Variants in RFTN2 observed in about 807,000 individuals in gnomAD.
RFTN2 encodes the protein raftlin-2.
A neutral mutation model predicts 52.7 loss-of-function variants in RFTN2; 34 were observed. The observed-to-expected ratio is 0.64, with a 90% confidence interval of 0.49 to 0.86. The LOEUF (loss-of-function observed/expected upper bound fraction) is 0.86, where lower values mean the gene tolerates loss of function less well. Ranked by LOEUF, RFTN2 falls within the 40% of genes least tolerant of loss-of-function variation. The pLI is 0.00. For synonymous variants in RFTN2, 203 were observed against 217.7 expected (o/e 0.93, Z 0.59); for missense variants, 536 against 600.1 (o/e 0.89, Z 1.12).
At chr2:197,664,784 C>CA (rs776521127) in intron 1 of RFTN2, among the ~76,000 whole-genome samples, 52 of 151,628 alleles carry the variant, frequency 3.4e-4, no homozygotes, top group African/African-American at 1.1e-3. Context: ...GAACTTATCT[C>CA]AAAAAAAAAT....
rs139263858 is a variant in RFTN2, at chr2:197,664,446, G to A, written c.139+10874C>T. 6.4e-3 allele frequency among the ~76,000 whole-genome samples: 951 copies of A among 147,924 alleles called. 11 individuals carry two copies. Among genetic ancestry groups the A allele is most frequent in the African/African-American group, 0.022 (858 of 39,814 alleles). On this transcript the variant is annotated intron_variant, in intron 1 of 8. Transcript: ENST00000295049. ...ATTCATGATTGTGCCACTGTACTCC[G>A]GCCTGGAAGACAAAGGGAGACCCCA...
chr2:197,661,388 G>A (rs565873555), intron 1 of RFTN2, among the ~76,000 whole-genome samples: 1 of 151,920 alleles, frequency 6.6e-6, no homozygotes, highest in African/African-American at 2.4e-5. Flanking sequence ...ATGCTACCAT[G>A]TTTTGGTAGT....
At chr2:197,673,151 C>T (rs2106279230) in intron 1 of RFTN2, among the ~76,000 whole-genome samples, 1 of 152,226 alleles carries the variant, frequency 6.6e-6, no homozygotes, top group Non-Finnish European at 1.5e-5. Flanking sequence ...GTCACCAGGC[C>T]ATTTTATTTC....
chr2:197,650,539 C>G (rs2088812197), intron 1 of RFTN2, among the ~76,000 whole-genome samples: 1 of 152,196 alleles, frequency 6.6e-6, no homozygotes, highest in African/African-American at 2.4e-5. Flanking sequence ...CGTATCTTTA[C>G]AACACTGTAG....
chr2:197,645,162 G>A (rs142780603), intron 2 of RFTN2, among the ~76,000 whole-genome samples: 3 of 152,168 alleles, frequency 2.0e-5, no homozygotes, highest in Non-Finnish European at 2.9e-5. Flanking sequence ...CATATACAGC[G>A]GTGGTCCCGT....
At chr2:197,591,578 C>T (rs184779754) in intron 8 of RFTN2, among the ~76,000 whole-genome samples, 3 of 152,200 alleles carry the variant, frequency 2.0e-5, no homozygotes, top group Admixed American at 6.5e-5. Flanking sequence ...TTGGGCGGTC[C>T]GTGGGACCGT....
At chr2:197,638,731 CCATTTA>C (rs1422172982) in intron 3 of RFTN2, among the ~76,000 whole-genome samples, 1 of 139,072 alleles carries the variant, frequency 7.2e-6, no homozygotes, top group Non-Finnish European at 1.6e-5. Flanking sequence ...AGCATTTAGT[CCATTTA>C]CATTTAAAGT....
Position 197,596,910 on chromosome 2 carries a change from T to C in RFTN2, c.1155-841A>G, listed in dbSNP as rs538405896. ...TGGCAAATTACCCCTTGCCAAAGAC[T>C]GCTTGGGGTTTGTATTCCTCTGAAA... On this transcript the variant is annotated intron_variant, in intron 7 of 8. Coordinates refer to ENST00000295049, the MANE Select transcript of RFTN2 (RefSeq NM_144629.3). Among the ~76,000 whole-genome samples the C allele has an allele frequency of 9.1e-4, 138 of 152,344 alleles. 1 individual carries two copies. Among genetic ancestry groups the C allele is most frequent in the African/African-American group, 3.2e-3 (131 of 41,584 alleles).
chr2:197,645,210 C>T, intron 2 of RFTN2, among the ~76,000 whole-genome samples: 1 of 152,152 alleles, frequency 6.6e-6, no homozygotes, highest in East Asian at 1.9e-4. Flanking sequence ...GTACCTTTTC[C>T]ATCTTTAGGT....
chr2:197,635,500 T>G (rs1438994144), intron 3 of RFTN2, among the ~76,000 whole-genome samples: 3 of 152,028 alleles, frequency 2.0e-5, no homozygotes, highest in Admixed American at 2.0e-4. Context: ...ATGATGAGCA[T>G]TTTTTCATGT....
intron 1 of RFTN2, among the ~76,000 whole-genome samples, chr2:197,655,122 C>T (rs747396048): frequency 7.2e-5 from 11 of 152,064 alleles, no homozygotes; most frequent in Admixed American, 2.0e-4. Flanking sequence ...TGAAGTCATC[C>T]CCCTTTCATT....
At chr2:197,604,724 G>C (rs2087931512) in intron 7 of RFTN2, among the ~76,000 whole-genome samples, 1 of 152,024 alleles carries the variant, frequency 6.6e-6, no homozygotes, top group Non-Finnish European at 1.5e-5. Context: ...ATGCACATTT[G>C]TGTTTTATGC....
At chr2:197,645,191 AT>A (rs943483705) in intron 2 of RFTN2, among the ~76,000 whole-genome samples, 3 of 152,162 alleles carry the variant, frequency 2.0e-5, no homozygotes, top group Non-Finnish European at 4.4e-5. Context: ...AGAGTAACGT[AT>A]TTTTACTGTA....
chr2:197,586,715 C>A (rs2087605081), intron 8 of RFTN2, among the ~76,000 whole-genome samples: 1 of 152,142 alleles, frequency 6.6e-6, no homozygotes, highest in African/African-American at 2.4e-5. Context: ...CCTTTCGTAG[C>A]CTCTCTAATG....
At chr2:197,617,762 T>C (rs773869447) in intron 6 of RFTN2, 38 bp downstream of exon 6, 1 of 927,204 alleles carries the variant, frequency 1.1e-6, no homozygotes, top group Non-Finnish European at 1.5e-6. Context: ...ATTATATTTA[T>C]ATATGTAAAG....
intron 1 of RFTN2, among the ~76,000 whole-genome samples, chr2:197,649,301 C>A (rs141974111): frequency 4.6e-4 from 70 of 152,204 alleles, no homozygotes; most frequent in Non-Finnish European, 8.8e-4. Flanking sequence ...ATATTTACTT[C>A]AGGAGTCTCT....
In RFTN2 at chr2:197,568,361, C is replaced by T. The variant is rs1426238717; in HGVS notation, c.*3647G>A. 6.6e-6 allele frequency: 1 copy of T among 152,194 alleles called. No homozygotes were observed. The allele number at this position is 152,194 out of a possible 1,614,324, so 9.4% of individuals were successfully genotyped here. The stretch of plus-strand genomic sequence containing the variant: ...GTCTTCACCAAAACTTTATGAACCT[C>T]ATCAAAACTGAGGCTCATCATTTTA... On this transcript the variant is annotated 3_prime_UTR_variant, in exon 9 of 9. Coordinates refer to ENST00000295049, the MANE Select transcript of RFTN2 (RefSeq NM_144629.3).
intron 8 of RFTN2, among the ~76,000 whole-genome samples, chr2:197,586,669 G>T (rs762102945): frequency 2.6e-5 from 4 of 152,098 alleles, no homozygotes; most frequent in Non-Finnish European, 4.4e-5. Context: ...AATGTTCTTG[G>T]TACTGGAATA....
In RFTN2 at chr2:197,631,226, C is replaced by T. The variant is rs2088464917; in HGVS notation, c.719-6G>A. ...ATACAATTTGTTATCTGAGGCTAGG[C>T]ATTCAGAAGGAGAAAAAAGGGGAAA... On this transcript the variant is annotated splice_polypyrimidine_tract_variant and splice_region_variant and intron_variant, in intron 4 of 8. Coordinates refer to ENST00000295049, the MANE Select transcript of RFTN2 (RefSeq NM_144629.3). The T allele has an allele frequency of 6.3e-7, 1 of 1,593,980 alleles. No individual in the cohort carries two copies. Among genetic ancestry groups the T allele is most frequent in the Admixed American group, 1.8e-5 (1 of 56,236 alleles).
Sources: gnomAD v4.1 joint callset for allele counts (sites outside exome capture counted in the v4.1 genomes callset) on GRCh38, gnomAD v4.1.1 for gene constraint, MANE v1.5 for transcripts, NCBI Gene and HGNC (gene_info 2026-07-23, HGNC 2026-07-21) for gene names.